The following PIP4K2B variants were observed in gnomAD, a reference collection of about 807,000 sequenced individuals.
PIP4K2B encodes phosphatidylinositol 5-phosphate 4-kinase type-2 beta.
Under a neutral mutation model 42.0 loss-of-function variants are expected in PIP4K2B, and 3 were observed. That is an observed-to-expected ratio of 0.07 (90% CI 0.03 to 0.18). The LOEUF (loss-of-function observed/expected upper bound fraction) is 0.18, where lower values mean the gene tolerates loss of function less well. Ranked by LOEUF, PIP4K2B falls within the 10% of genes least tolerant of loss-of-function variation. The pLI is 1.00. For synonymous variants in PIP4K2B, 204 were observed against 210.1 expected (o/e 0.97, Z 0.25); for missense variants, 332 against 562.3 (o/e 0.59, Z 4.14).
At chr17:38,777,194 G>C (rs551194267) in intron 7 of PIP4K2B, among the ~76,000 whole-genome samples, 1 of 152,282 alleles carries the variant, frequency 6.6e-6, no homozygotes, top group South Asian at 2.1e-4. Context: ...CTCCCAAGTA[G>C]CTGGGACTAC....
chr17:38,799,548 C>G lies in PIP4K2B; in HGVS notation c.-124G>C. 1.5e-6 allele frequency: 2 copies of G among 1,306,666 alleles called. No homozygotes were observed. The highest frequency in any genetic ancestry group is 1.9e-6 in the Non-Finnish European group (2 of 1,026,980). The allele number at this position is 1,306,666 out of a possible 1,614,324, so 80.9% of individuals were successfully genotyped here. A position where few individuals can be genotyped will look rare whatever the true frequency, so the allele number is the denominator to read the frequency against. On this transcript the variant is annotated 5_prime_UTR_variant, in exon 1 of 10. Transcript: ENST00000619039. This position sits in a 1 kb window ranked among gnomAD's most constrained non-coding sequence, Gnocchi z 4.4. ...TCCCTCACCGCGCCATGGTCGCGCC[C>G]GTCCCGTTACCTCCCACCCCGCCCC... is the stretch of plus-strand genomic sequence containing the variant.
intron 3 of PIP4K2B, among the ~76,000 whole-genome samples, chr17:38,782,991 T>C (rs1909791970): frequency 6.6e-6 from 1 of 150,974 alleles, no homozygotes; most frequent in Non-Finnish European, 1.5e-5. Flanking sequence ...ATCGAAACCA[T>C]CCTGGTCAAC....
rs1910819884 is a variant in PIP4K2B at position 38,799,211 on chromosome 17, G to A, written c.159+55C>T. The A allele has an allele frequency of 1.3e-6, 2 of 1,515,830 alleles. No individual in the cohort carries two copies. The highest frequency in any genetic ancestry group is 1.8e-6 in the Non-Finnish European group (2 of 1,138,648). 93.9% of individuals were successfully genotyped at this position (1,515,830 alleles called of 1,614,324 possible). A position where few individuals can be genotyped will look rare whatever the true frequency, so the allele number is the denominator to read the frequency against. On this transcript the variant is annotated intron_variant, in intron 1 of 9. Coordinates refer to ENST00000619039, the MANE Select transcript of PIP4K2B (RefSeq NM_003559.5). The surrounding 1 kb of genome is among the most constrained non-coding windows in gnomAD (Gnocchi z 4.4). The stretch of plus-strand genomic sequence containing the variant: ...TGCGGGGCAAGGGCCCAGGGCTGCA[G>A]GGGGCGTGGGAGCGCGCGGGGCCGC...
At chr17:38,772,489 G>A (rs1190432084) in intron 7 of PIP4K2B, among the ~76,000 whole-genome samples, 1 of 152,168 alleles carries the variant, frequency 6.6e-6, no homozygotes, top group Non-Finnish European at 1.5e-5. Context: ...GTATCACAGT[G>A]CTTGTATTCA....
chr17:38,772,540 G>A (rs746411899), intron 7 of PIP4K2B, among the ~76,000 whole-genome samples: 6 of 152,158 alleles, frequency 3.9e-5, no homozygotes, highest in Non-Finnish European at 2.9e-5. Context: ...CACAGAGCAA[G>A]AGTAGTGATG....
chr17:38,772,152 A>G (rs1480436481), intron 7 of PIP4K2B, among the ~76,000 whole-genome samples: 1 of 152,246 alleles, frequency 6.6e-6, no homozygotes, highest in Non-Finnish European at 1.5e-5. Flanking sequence ...ATTTCAACCC[A>G]TTATGAGTCC....
At chr17:38,770,837 AGAG>A (rs764820568) in intron 8 of PIP4K2B, among the ~76,000 whole-genome samples, 174 bp downstream of exon 8, 39 of 152,272 alleles carry the variant, frequency 2.6e-4, no homozygotes, top group Admixed American at 5.2e-4. Context: ...AAAGCCTGGC[AGAG>A]GAGGAGCCCC....
At chr17:38,775,243 G>T (rs1325106110) in intron 7 of PIP4K2B, among the ~76,000 whole-genome samples, 1 of 151,952 alleles carries the variant, frequency 6.6e-6, no homozygotes, top group Non-Finnish European at 1.5e-5. Context: ...GTGAGCCACC[G>T]CGCCTAGCTT....
intron 4 of PIP4K2B, chr17:38,780,034 C>T (rs552131074): frequency 5.6e-6 from 1 of 180,140 alleles, no homozygotes; most frequent in African/African-American, 2.4e-5. Context: ...TTCGGCCCTT[C>T]TCAGGTGCCC....
chr17:38,793,906 G>C (rs1313512867), intron 1 of PIP4K2B, among the ~76,000 whole-genome samples: 4 of 151,520 alleles, frequency 2.6e-5, no homozygotes, highest in Admixed American at 2.0e-4. Flanking sequence ...AAGAAAGAAA[G>C]AAAATGTATG....
chr17:38,782,110 C>T (rs1202232246), intron 3 of PIP4K2B, among the ~76,000 whole-genome samples: 1 of 152,184 alleles, frequency 6.6e-6, no homozygotes, highest in Non-Finnish European at 1.5e-5. Context: ...AGCAAAGGTG[C>T]TAAAGTAGCA....
intron 3 of PIP4K2B, 148 bp downstream of exon 3, chr17:38,784,095 T>TG (rs1334890387): frequency 4.3e-5 from 25 of 586,252 alleles, no homozygotes; most frequent in Admixed American, 2.4e-4. Flanking sequence ...CCCCCAGTGC[T>TG]GGGGGAGAGA....
rs1908835346 is a variant in PIP4K2B, at chr17:38,768,574, C to G, written c.*1117G>C. On this transcript the variant is annotated 3_prime_UTR_variant, in exon 10 of 10. Coordinates refer to ENST00000619039, the MANE Select transcript of PIP4K2B (RefSeq NM_003559.5). ...ACTCTCCAGGCACAGGGAGACAGAT[C>G]TCCTACAAGGTCATCCCGGAGCTTA... The G allele has an allele frequency of 6.6e-6, 1 of 152,262 alleles. No homozygotes were observed. The highest frequency in any genetic ancestry group is 1.5e-5 in the Non-Finnish European group (1 of 68,048). 9.4% of individuals were successfully genotyped at this position (152,262 alleles called of 1,614,324 possible).
chr17:38,791,406 A>AGTTTTTTT (rs1910331926), intron 1 of PIP4K2B, among the ~76,000 whole-genome samples: 1 of 91,156 alleles, frequency 1.1e-5, no homozygotes, highest in Non-Finnish European at 2.0e-5. Context: ...CAGACTGCCA[A>AGTTTTTTT]TTTTTTTTTT....
intron 7 of PIP4K2B, 34 bp downstream of exon 7, chr17:38,777,653 A>G (rs762747243): frequency 7.4e-7 from 1 of 1,345,154 alleles, no homozygotes; most frequent in Non-Finnish European, 1.1e-6. Flanking sequence ...GTACAGAAGG[A>G]GCCTTGCAGG....
chr17:38,794,610 A>T (rs1271358957), intron 1 of PIP4K2B, among the ~76,000 whole-genome samples: 3 of 1,704 alleles, frequency 1.8e-3, no homozygotes, highest in African/African-American at 3.1e-3. Flanking sequence ...CCAATTCATT[A>T]AAAAAAAAAA....
intron 8 of PIP4K2B, 31 bp from the exon 9 acceptor site, chr17:38,770,570 A>G (rs1314920676): frequency 7.8e-7 from 1 of 1,274,796 alleles, no homozygotes; most frequent in African/African-American, 1.5e-5. Context: ...GGGAAGAAGG[A>G]AGAGGGGGCA....
At chr17:38,792,003 G>C (rs1343074510) in intron 1 of PIP4K2B, among the ~76,000 whole-genome samples, 1 of 151,964 alleles carries the variant, frequency 6.6e-6, no homozygotes, top group African/African-American at 2.4e-5. Context: ...GGCTGAGGCA[G>C]GAGAATGGCG....
At chr17:38,786,749 T>C in intron 2 of PIP4K2B, 74 bp downstream of exon 2, 1 of 939,276 alleles carries the variant, frequency 1.1e-6, no homozygotes, top group South Asian at 1.3e-5. Context: ...CCACCATGCA[T>C]GAGGCTTCAG....
Sources: gnomAD v4.1 joint callset for allele counts (sites outside exome capture counted in the v4.1 genomes callset) on GRCh38, gnomAD v4.1.1 for gene constraint, Gnocchi (gnomAD v3.1) non-coding constraint, MANE v1.5 for transcripts, NCBI Gene and HGNC (gene_info 2026-07-23, HGNC 2026-07-21) for gene names.